ROBO2: variants seen among roughly 807,000 people sequenced by gnomAD.
ROBO2 encodes roundabout homolog 2.
In ROBO2, 53 loss-of-function variants were observed where a neutral mutation model predicts 160.8. The ratio of observed to expected loss-of-function variants is 0.33; its 90% CI spans 0.26 to 0.41. ROBO2 has a LOEUF of 0.41. Among genes scored for constraint, ROBO2 ranks in the 10% least tolerant of loss-of-function variants. The pLI, the probability that ROBO2 is intolerant of heterozygous loss-of-function variation, is 1.00. For missense variants in ROBO2, 1,577 were observed against 1,722.4 expected (o/e 0.92, Z 1.49); for synonymous variants, 664 against 611.7 (o/e 1.09, Z -1.26).
rs184873409 is a variant in ROBO2, at chr3:77,013,475, T to C, written c.110-84539T>C. On this transcript the variant is annotated intron_variant, in intron 2 of 26. Transcript: ENST00000487694. ...TCATATATTAAATTTAAATTATCAA[T>C]GTTGATGAAATAATACCTAAATACA... is the stretch of plus-strand genomic sequence containing the variant. Among the ~76,000 whole-genome samples the C allele has an allele frequency of 2.4e-3, 363 of 152,260 alleles. 1 individual carries two copies. The highest frequency in any genetic ancestry group is 8.4e-3 in the African/African-American group (348 of 41,558).
intron 2 of ROBO2, among the ~76,000 whole-genome samples, chr3:77,321,121 G>A (rs577032306): frequency 3.9e-5 from 6 of 152,106 alleles, no homozygotes; most frequent in Admixed American, 2.0e-4. Context: ...TCCTCATGCC[G>A]GACTTTCTAT....
chr3:77,606,641 T>G (rs1381120096), intron 20 of ROBO2, among the ~76,000 whole-genome samples: 1 of 152,228 alleles, frequency 6.6e-6, no homozygotes, highest in African/African-American at 2.4e-5. Flanking sequence ...TTCCTGGTGC[T>G]CAAATATGTT....
intron 2 of ROBO2, among the ~76,000 whole-genome samples, chr3:76,886,483 G>A (rs917959416): frequency 1.3e-5 from 2 of 152,006 alleles, no homozygotes; most frequent in Non-Finnish European, 2.9e-5. Context: ...TCTGATACCC[G>A]GAGCCAAGTC....
At chr3:77,365,600 G>T (rs6767250) in intron 2 of ROBO2, among the ~76,000 whole-genome samples, 13,647 of 152,122 alleles carry the variant, frequency 0.09, 872 homozygotes, top group Non-Finnish European at 0.13. Context: ...TCATCACTTT[G>T]TGTAACACTC....
chr3:76,956,690 A>G (rs2079297499), intron 2 of ROBO2, among the ~76,000 whole-genome samples: 1 of 152,000 alleles, frequency 6.6e-6, no homozygotes, highest in Non-Finnish European at 1.5e-5. Context: ...GAGAGAGATG[A>G]AGATAGATGT....
chr3:76,473,453 A>C (rs2078772827), intron 2 of ROBO2, among the ~76,000 whole-genome samples: 1 of 152,190 alleles, frequency 6.6e-6, no homozygotes, highest in Admixed American at 6.5e-5. Flanking sequence ...AGACTCTTGT[A>C]ATAAATAAAT....
chr3:75,999,048 T>C (rs2065808756), intron 2 of ROBO2, among the ~76,000 whole-genome samples: 1 of 152,180 alleles, frequency 6.6e-6, no homozygotes. Context: ...GTGTAGTGAA[T>C]AGTCAAACAG....
At chr3:75,930,003 T>C (rs1282544180) in intron 1 of ROBO2, among the ~76,000 whole-genome samples, 2 of 152,216 alleles carry the variant, frequency 1.3e-5, no homozygotes, top group African/African-American at 4.8e-5. Context: ...CCTCTTGTCA[T>C]TTATTTAAGG....
intron 2 of ROBO2, among the ~76,000 whole-genome samples, chr3:76,009,516 G>T (rs1363187757): frequency 6.6e-6 from 1 of 152,158 alleles, no homozygotes; most frequent in African/African-American, 2.4e-5. Context: ...GGGGTAGCAT[G>T]TTCTGAACCC....
At chr3:76,355,622 A>G (rs1016497124) in intron 2 of ROBO2, among the ~76,000 whole-genome samples, 4 of 151,800 alleles carry the variant, frequency 2.6e-5, no homozygotes, top group African/African-American at 4.8e-5. Flanking sequence ...TGAAATTGGA[A>G]TCATGTTACT....
chr3:77,351,923 A>G (rs985176355), intron 2 of ROBO2, among the ~76,000 whole-genome samples: 7 of 151,694 alleles, frequency 4.6e-5, no homozygotes, highest in Non-Finnish European at 7.4e-5. Flanking sequence ...CAGGAAGGGG[A>G]ACATCATACT....
At chr3:77,428,037 C>G (rs1484565960) in intron 2 of ROBO2, among the ~76,000 whole-genome samples, 1 of 151,764 alleles carries the variant, frequency 6.6e-6, no homozygotes, top group Non-Finnish European at 1.5e-5. Context: ...ATATCTCATT[C>G]CAGGAACAAA....
intron 14 of ROBO2, among the ~76,000 whole-genome samples, chr3:77,576,585 C>A (rs2093770958): frequency 6.6e-6 from 1 of 152,094 alleles, no homozygotes; most frequent in Non-Finnish European, 1.5e-5. Flanking sequence ...AGTTCTCAGG[C>A]ACATTAAATG....
chr3:77,434,430 T>G (rs370189969), intron 2 of ROBO2, among the ~76,000 whole-genome samples: 17 of 152,292 alleles, frequency 1.1e-4, no homozygotes, highest in East Asian at 3.9e-4. Context: ...AAGAGCTGTA[T>G]AGTTCTGTTT....
At chr3:76,344,224 C>T (rs1052072373) in intron 2 of ROBO2, among the ~76,000 whole-genome samples, 3 of 151,998 alleles carry the variant, frequency 2.0e-5, no homozygotes, top group African/African-American at 7.2e-5. Context: ...AGACTGATAG[C>T]CTGGATTACG....
chr3:76,959,930 A>G (rs1364116523), intron 2 of ROBO2, among the ~76,000 whole-genome samples: 2 of 151,626 alleles, frequency 1.3e-5, no homozygotes, highest in Non-Finnish European at 2.9e-5. Context: ...TTCACTTCAC[A>G]TTTCTCATAA....
intron 2 of ROBO2, among the ~76,000 whole-genome samples, chr3:76,789,043 C>T (rs1203479714): frequency 6.6e-6 from 1 of 151,396 alleles, no homozygotes; most frequent in Admixed American, 6.6e-5. Flanking sequence ...GCTTGTAGGC[C>T]ACTTTTGATC....
At chr3:76,887,938 C>T (rs1416874849) in intron 2 of ROBO2, among the ~76,000 whole-genome samples, 2 of 152,162 alleles carry the variant, frequency 1.3e-5, no homozygotes, top group Non-Finnish European at 2.9e-5. Flanking sequence ...CTCTAAAATT[C>T]TGCAACTGTA....
intron 2 of ROBO2, among the ~76,000 whole-genome samples, chr3:77,469,179 C>T (rs765798082): frequency 6.6e-6 from 1 of 152,160 alleles, no homozygotes; most frequent in Non-Finnish European, 1.5e-5. Context: ...AAAAAGGAAA[C>T]TTACACTGGC....
Sources: allele counts gnomAD v4.1 joint callset (sites outside exome capture counted in the v4.1 genomes callset), GRCh38; gene constraint gnomAD v4.1.1; transcripts MANE v1.5; gene names NCBI Gene and HGNC (gene_info 2026-07-23, HGNC 2026-07-21).